The following TTC7B variants were observed in gnomAD, a reference collection of about 807,000 sequenced individuals.
TTC7B encodes tetratricopeptide repeat domain 7B, also known as tetratricopeptide repeat protein 7B.
In TTC7B, 28 loss-of-function variants were observed where a neutral mutation model predicts 106.8. That is an observed-to-expected ratio of 0.26 (90% CI 0.19 to 0.36). The LOEUF is 0.36. Ranked by LOEUF, TTC7B falls within the 10% of genes least tolerant of loss-of-function variation. The probability of loss-of-function intolerance (pLI) is 1.00; values close to 1 mark genes in which losing one functional copy is unlikely to be tolerated. For synonymous variants in TTC7B, 405 were observed against 430.6 expected (o/e 0.94, Z 0.74); for missense variants, 862 against 1,076.4 (o/e 0.80, Z 2.79).
chr14:90,779,744 G>A (rs1318430021), intron 3 of TTC7B, among the ~76,000 whole-genome samples: 1 of 152,258 alleles, frequency 6.6e-6, no homozygotes, highest in Non-Finnish European at 1.5e-5. Flanking sequence ...TGAGGAAGCA[G>A]CAGCTTGGAA....
At chr14:90,621,287 G>A (rs540625618) in intron 15 of TTC7B, among the ~76,000 whole-genome samples, 4 of 148,256 alleles carry the variant, frequency 2.7e-5, no homozygotes, top group Admixed American at 6.8e-5. Flanking sequence ...GGGTACAGCC[G>A]GGACGATAGG....
rs78763013 is a variant in TTC7B at position 90,638,432 on chromosome 14, G to A, written c.1751+5616C>T. ...AAACCAGTTACCTTTCTATACCTTC[G>A]CAACAAGTACATAGTAAATTTGATT... On this transcript the variant is annotated intron_variant, in intron 15 of 19. Coordinates refer to ENST00000328459, the MANE Select transcript of TTC7B (RefSeq NM_001010854.2). Among the ~76,000 whole-genome samples, 1,245 of 152,068 alleles carry A rather than the reference G, an allele frequency of 8.2e-3. 9 individuals are homozygous for A. Among genetic ancestry groups the A allele is most frequent in the African/African-American group, 0.028 (1,147 of 41,456 alleles).
intron 15 of TTC7B, among the ~76,000 whole-genome samples, chr14:90,625,016 G>C (rs1884376357): frequency 6.6e-6 from 1 of 152,214 alleles, no homozygotes; most frequent in South Asian, 2.1e-4. Context: ...ATCTCTTGCT[G>C]CCTCCTGTCC....
At chr14:90,695,297 T>C (rs982369346) in intron 6 of TTC7B, among the ~76,000 whole-genome samples, 12 of 136,286 alleles carry the variant, frequency 8.8e-5, no homozygotes, top group Non-Finnish European at 8.0e-5. Flanking sequence ...TATATGTACA[T>C]AAATATATGT....
chr14:90,632,323 T>C (rs1003489281), intron 15 of TTC7B, among the ~76,000 whole-genome samples: 3 of 152,254 alleles, frequency 2.0e-5, no homozygotes, highest in Admixed American at 6.5e-5. Context: ...ATCACCAAAA[T>C]TGTTTTAATC....
chr14:90,782,498 C>G (rs1358633471), intron 2 of TTC7B, among the ~76,000 whole-genome samples: 1 of 152,074 alleles, frequency 6.6e-6, no homozygotes, highest in African/African-American at 2.4e-5. Flanking sequence ...ACTCAGGAGG[C>G]TAAGGCACAA....
intron 17 of TTC7B, among the ~76,000 whole-genome samples, chr14:90,603,507 T>C: frequency 6.6e-6 from 1 of 152,164 alleles, no homozygotes; most frequent in South Asian, 2.1e-4. Context: ...AACTGGGCAT[T>C]CCCCTATCCA....
chr14:90,573,573 TCACGGTCCCTCTCC>T (rs1891132855), intron 19 of TTC7B, among the ~76,000 whole-genome samples: 1 of 130,054 alleles, frequency 7.7e-6, no homozygotes, highest in Non-Finnish European at 1.6e-5. Flanking sequence ...CCTCTCCGGC[TCACGGTCCCTCTCC>T]GGCTCACGGT....
At chr14:90,783,142 A>G (rs549210474) in intron 2 of TTC7B, among the ~76,000 whole-genome samples, 17 of 152,172 alleles carry the variant, frequency 1.1e-4, no homozygotes, top group Non-Finnish European at 1.9e-4. Flanking sequence ...GCCCCAACAC[A>G]GTGTCAGGGG....
intron 19 of TTC7B, among the ~76,000 whole-genome samples, chr14:90,574,117 G>A (rs965080218): frequency 1.3e-5 from 2 of 152,156 alleles, no homozygotes; most frequent in African/African-American, 2.4e-5. Flanking sequence ...TCCACCATGA[G>A]CCATGCTTCT....
At chr14:90,601,137 T>C (rs189070191) in intron 17 of TTC7B, among the ~76,000 whole-genome samples, 2 of 152,300 alleles carry the variant, frequency 1.3e-5, no homozygotes, top group Non-Finnish European at 2.9e-5. Context: ...GAGAATTATA[T>C]TAAATTTAGT....
At chr14:90,599,146 C>T (rs1566790863) in intron 17 of TTC7B, among the ~76,000 whole-genome samples, 3 of 151,508 alleles carry the variant, frequency 2.0e-5, no homozygotes, top group Non-Finnish European at 4.4e-5. Flanking sequence ...CTGTCTCAAA[C>T]AAAAAAAGAG....
At chr14:90,698,721 G>C (rs77991803) in intron 5 of TTC7B, 3,578 of 154,512 alleles carry the variant, frequency 0.023, 137 homozygotes, top group African/African-American at 0.083. Flanking sequence ...CAACAGCTCG[G>C]CTGGGACCAA....
chr14:90,573,046 G>A (rs1595169693), intron 19 of TTC7B, among the ~76,000 whole-genome samples: 1 of 152,210 alleles, frequency 6.6e-6, no homozygotes, highest in Non-Finnish European at 1.5e-5. Context: ...GCGGGGGTTG[G>A]GGGGCAGTGC....
intron 9 of TTC7B, among the ~76,000 whole-genome samples, chr14:90,671,406 A>AG (rs2139917711): frequency 6.6e-6 from 1 of 152,298 alleles, no homozygotes; most frequent in South Asian, 2.1e-4. Flanking sequence ...TTGCCTATGG[A>AG]GGGGGGACAC....
At chr14:90,729,950 A>AT in intron 5 of TTC7B, 125 bp downstream of exon 5, 9 of 1,108,448 alleles carry the variant, frequency 8.1e-6, no homozygotes, top group Non-Finnish European at 1.1e-5. Context: ...AAAAGAAAAA[A>AT]AAAGTTCCAA....
At position 90,632,986 on chromosome 14, in the gene TTC7B, C is replaced by G. The variant is rs149246815; in HGVS notation, c.1751+11062G>C. Among the ~76,000 whole-genome samples the G allele has an allele frequency of 2.9e-3, 434 of 152,272 alleles. 1 individual carries two copies. The highest frequency in any genetic ancestry group is 9.9e-3 in the African/African-American group (413 of 41,542). ...TCACTTCTTCCCATACAGTTAGTTT[C>G]CACTGATGTAAAAAGAAATGTGACT... On this transcript the variant is annotated intron_variant, in intron 15 of 19. Transcript: ENST00000328459.
rs181583991 is a variant in TTC7B at position 90,738,041 on chromosome 14, A to T, written c.576+6751T>A. ...TGGTGATGGTTACTGAACTCTGGAA[A>T]TATGTTAAAAACCACTGTACAATTT... On this transcript the variant is annotated intron_variant, in intron 4 of 19. Coordinates refer to ENST00000328459, the MANE Select transcript of TTC7B (RefSeq NM_001010854.2). Among the ~76,000 whole-genome samples the T allele has an allele frequency of 2.3e-3, 348 of 152,328 alleles. 6 individuals carry two copies. The highest frequency in any genetic ancestry group is 8.2e-3 in the African/African-American group (339 of 41,564).
rs1889169008 is a variant in TTC7B, at chr14:90,527,243, C to T, written c.*14125G>A. On this transcript the variant is annotated 3_prime_UTR_variant, in exon 20 of 20. Transcript: ENST00000328459. ...ATTGACTGGTGAAGGTGATGTCCTG[C>T]CAGGTTTCTCTGTGGTAATGTTACT... 6.6e-6 allele frequency: 1 copy of T among 151,956 alleles called. No individual in the cohort carries two copies. Among genetic ancestry groups the T allele is most frequent in the Non-Finnish European group, 1.5e-5 (1 of 67,992 alleles). The allele number at this position is 151,956 out of a possible 1,614,324, so 9.4% of individuals were successfully genotyped here.
Sources: gnomAD v4.1 joint callset for allele counts (sites outside exome capture counted in the v4.1 genomes callset) on GRCh38, gnomAD v4.1.1 for gene constraint, MANE v1.5 for transcripts, NCBI Gene and HGNC (gene_info 2026-07-23, HGNC 2026-07-21) for gene names.